The following GALNTL6 variants were observed in gnomAD, a reference collection of about 807,000 sequenced individuals.
GALNTL6 encodes the protein polypeptide N-acetylgalactosaminyltransferase like 6, also known as polypeptide N-acetylgalactosaminyltransferase-like 6.
Under a neutral mutation model 73.7 loss-of-function variants are expected in GALNTL6, and 46 were observed. The observed-to-expected ratio is 0.62, with a 90% CI of 0.49 to 0.80. The LOEUF is 0.80. Ranked by LOEUF, GALNTL6 falls within the 30% of genes least tolerant of loss-of-function variation. The pLI, the probability that GALNTL6 is intolerant of heterozygous loss-of-function variation, is 0.00. For synonymous variants in GALNTL6, 259 were observed against 263.7 expected, an observed-to-expected ratio of 0.98 and a Z score of 0.17; for missense variants, 604 against 755.0, an observed-to-expected ratio of 0.80 and a Z score of 2.34.
At chr4:172,751,489 A>G (rs1737420753) in intron 5 of GALNTL6, among the ~76,000 whole-genome samples, 1 of 152,230 alleles carries the variant, frequency 6.6e-6, no homozygotes, top group East Asian at 1.9e-4. Context: ...AGATGCTACA[A>G]AGGAAAAAAA....
At chr4:173,009,113 T>G (rs1015679173) in intron 10 of GALNTL6, 65 bp from the exon 11 acceptor site, 26 of 1,029,702 alleles carry the variant, frequency 2.5e-5, no homozygotes, top group Non-Finnish European at 3.9e-5. Context: ...TACACCATGG[T>G]TGTTAGGAGC....
At chr4:172,482,225 T>C (rs908487623) in intron 5 of GALNTL6, among the ~76,000 whole-genome samples, 7 of 152,188 alleles carry the variant, frequency 4.6e-5, no homozygotes, top group Admixed American at 3.9e-4. Context: ...GAGCGCTTCA[T>C]GCAGCCCTGA....
At chr4:172,084,551 T>C (rs775509488) in intron 2 of GALNTL6, among the ~76,000 whole-genome samples, 23 of 152,198 alleles carry the variant, frequency 1.5e-4, no homozygotes, top group Non-Finnish European at 2.8e-4. Flanking sequence ...CAAACTGCTC[T>C]TGACGGAAGA....
chr4:172,320,581 G>C (rs1418750067), intron 4 of GALNTL6, among the ~76,000 whole-genome samples: 1 of 152,130 alleles, frequency 6.6e-6, no homozygotes, highest in Admixed American at 6.5e-5. Flanking sequence ...TTTTGCAGGA[G>C]AGAAAAAAAG....
rs991720472 is a variant in GALNTL6, at chr4:171,822,773, C to T, written c.138+8055C>T. On this transcript the variant is annotated intron_variant, in intron 2 of 12. Transcript: ENST00000506823. ...CCATAAACCTGTTTTCAATTAACTT[C>T]GAATCTATTAGTTTAAAAAGGCATA... 3.9e-5 allele frequency among the ~76,000 whole-genome samples: 6 copies of T among 152,176 alleles called. No individual in the cohort carries two copies. The East Asian group carries it at 5.8e-4, about 15-fold the overall frequency.
At chr4:172,877,188 TATG>T (rs1745236188) in intron 7 of GALNTL6, among the ~76,000 whole-genome samples, 2 of 152,198 alleles carry the variant, frequency 1.3e-5, no homozygotes, top group Admixed American at 6.5e-5. Context: ...TATCTTTAAA[TATG>T]ATGTCTTTTT....
chr4:172,904,700 AT>A (rs533885133), intron 8 of GALNTL6, among the ~76,000 whole-genome samples: 1 of 151,854 alleles, frequency 6.6e-6, no homozygotes, highest in Non-Finnish European at 1.5e-5. Context: ...TTAGCCACTT[AT>A]TTTTCTCATC....
intron 2 of GALNTL6, among the ~76,000 whole-genome samples, chr4:171,956,470 T>C (rs1235409957): frequency 1.3e-5 from 2 of 152,182 alleles, no homozygotes; most frequent in Non-Finnish European, 2.9e-5. Context: ...ACCATCCTTG[T>C]ACACATCTTT....
At chr4:172,242,677 G>A (rs947982818) in intron 3 of GALNTL6, among the ~76,000 whole-genome samples, 1 of 152,092 alleles carries the variant, frequency 6.6e-6, no homozygotes, top group African/African-American at 2.4e-5. Context: ...GAATATCCAA[G>A]GTTTTATTGA....
intron 5 of GALNTL6, among the ~76,000 whole-genome samples, chr4:172,643,197 T>C (rs1740070306): frequency 6.6e-6 from 1 of 151,942 alleles, no homozygotes; most frequent in South Asian, 2.1e-4. Flanking sequence ...CTGAAGTAGA[T>C]GAGGTCTCTG....
At chr4:171,967,509 A>G (rs1739427618) in intron 2 of GALNTL6, among the ~76,000 whole-genome samples, 1 of 147,056 alleles carries the variant, frequency 6.8e-6, no homozygotes. Context: ...GAGAAAATAT[A>G]TTGAAAATAG....
At chr4:173,024,750 T>C (rs1753163894) in intron 12 of GALNTL6, among the ~76,000 whole-genome samples, 1 of 152,176 alleles carries the variant, frequency 6.6e-6, no homozygotes, top group African/African-American at 2.4e-5. Context: ...CAGATAATTT[T>C]GTATTTTTAG....
chr4:171,897,916 G>A (rs1736976165), intron 2 of GALNTL6, among the ~76,000 whole-genome samples: 1 of 151,180 alleles, frequency 6.6e-6, no homozygotes, highest in South Asian at 2.1e-4. Context: ...GACAGAGTGA[G>A]ACTCTGTCTC....
intron 5 of GALNTL6, among the ~76,000 whole-genome samples, chr4:172,772,143 A>T (rs930575637): frequency 6.6e-6 from 1 of 152,236 alleles, no homozygotes; most frequent in Non-Finnish European, 1.5e-5. Flanking sequence ...TATCATGAGA[A>T]GAGCATGGGA....
intron 2 of GALNTL6, among the ~76,000 whole-genome samples, chr4:171,907,033 A>G (rs973244543): frequency 7.9e-5 from 12 of 152,238 alleles, no homozygotes; most frequent in African/African-American, 2.2e-4. Context: ...CCCACAGCCA[A>G]TATCATACTG....
intron 5 of GALNTL6, among the ~76,000 whole-genome samples, chr4:172,745,164 A>C (rs1222230009): frequency 1.3e-5 from 2 of 151,906 alleles, no homozygotes; most frequent in African/African-American, 4.8e-5. Context: ...AAGAACAGCA[A>C]GAAATTCTAT....
intron 5 of GALNTL6, among the ~76,000 whole-genome samples, chr4:172,587,996 C>T (rs1737485723): frequency 6.6e-6 from 1 of 152,212 alleles, no homozygotes. Flanking sequence ...AGTAGGCCCT[C>T]GAAAAATATT....
chr4:172,961,307 G>GC (rs999739191), intron 10 of GALNTL6, among the ~76,000 whole-genome samples: 8 of 143,494 alleles, frequency 5.6e-5, no homozygotes, highest in East Asian at 2.1e-4. Flanking sequence ...GGGGGTGCTT[G>GC]CCCCCCCAGG....
chr4:172,374,058 G>A (rs1018364225), intron 5 of GALNTL6, among the ~76,000 whole-genome samples: 15 of 152,182 alleles, frequency 9.9e-5, no homozygotes, highest in South Asian at 2.1e-4. Context: ...GAGAATCTTC[G>A]TTCTCTGGAG....
Sources: gnomAD v4.1 joint callset for allele counts (sites outside exome capture counted in the v4.1 genomes callset) on GRCh38, gnomAD v4.1.1 for gene constraint, MANE v1.5 for transcripts, NCBI Gene and HGNC (gene_info 2026-07-23, HGNC 2026-07-21) for gene names.